Variants in ATF6 observed in about 807,000 individuals in gnomAD.
ATF6 encodes the protein activating transcription factor 6.
A neutral mutation model predicts 83.6 loss-of-function variants in ATF6; 53 were observed. That is an observed-to-expected ratio of 0.63 (90% confidence interval 0.51 to 0.80). The LOEUF (loss-of-function observed/expected upper bound fraction) is 0.80, where lower values mean the gene tolerates loss of function less well. ATF6 is among the 30% of genes least tolerant of loss of function. The probability of loss-of-function intolerance (pLI) is 0.00; values close to 1 mark genes in which losing one functional copy is unlikely to be tolerated. For synonymous variants in ATF6, 288 were observed against 285.8 expected (o/e 1.01, Z -0.08); for missense variants, 744 against 797.9 (o/e 0.93, Z 0.81).
chr1:161,845,793 A>AAG (rs957035357), intron 9 of ATF6, among the ~76,000 whole-genome samples: 1 of 151,496 alleles, frequency 6.6e-6, no homozygotes, highest in Non-Finnish European at 1.5e-5. Flanking sequence ...AAAAAAAAAA[A>AAG]AAGTTAAGTA....
chr1:161,923,278 GCT>G (rs1042233433), intron 15 of ATF6, among the ~76,000 whole-genome samples: 2 of 151,874 alleles, frequency 1.3e-5, no homozygotes, highest in African/African-American at 4.8e-5. Flanking sequence ...CTAAAGAAAT[GCT>G]CTGATACTTA....
rs1684897904 is a variant in ATF6 at position 161,792,205 on chromosome 1, C to T, written c.566C>T (p.Ala189Val). 1.9e-6 allele frequency: 3 copies of T among 1,614,144 alleles called. No individual in the cohort carries two copies. Among genetic ancestry groups the T allele is most frequent in the Non-Finnish European group, 2.5e-6 (3 of 1,180,000 alleles). ...CCCAAGCCTTTATTGCTTCCAGCAG[C>T]ACCCAAGACTCAAACAAACTCCAGT... The part of the protein sequence containing the change: ...IQPKPLLLPA[A>V]PKTQTNSSVP... Residue 189 changes from alanine to valine, a missense_variant, in exon 6 of 16, where the codon GCA becomes GTA. Physicochemically the swap from Ala to Val is moderately conservative, Grantham distance 64. Transcript: ENST00000367942.
At chr1:161,877,407 C>T (rs890429448) in intron 14 of ATF6, among the ~76,000 whole-genome samples, 2 of 152,034 alleles carry the variant, frequency 1.3e-5, no homozygotes, top group Non-Finnish European at 2.9e-5. Context: ...ATATCTCAAA[C>T]ATGGGGGGAA....
chr1:161,833,686 C>G (rs1273832976), intron 9 of ATF6, among the ~76,000 whole-genome samples: 1 of 152,018 alleles, frequency 6.6e-6, no homozygotes, highest in African/African-American at 2.4e-5. Flanking sequence ...TGAAATGAAG[C>G]ATGAAGAGAA....
chr1:161,855,966 T>C (rs1686749015), intron 12 of ATF6, among the ~76,000 whole-genome samples: 1 of 152,090 alleles, frequency 6.6e-6, no homozygotes, highest in African/African-American at 2.4e-5. Flanking sequence ...TTCAGGGTGA[T>C]CCCTATACAT....
intron 7 of ATF6, among the ~76,000 whole-genome samples, chr1:161,811,231 G>A (rs966894140): frequency 7.9e-5 from 12 of 152,218 alleles, no homozygotes; most frequent in Non-Finnish European, 1.3e-4. Context: ...ATCAATGGCT[G>A]TGTATTCCTG....
At chr1:161,783,691 A>G (rs1233136963) in intron 3 of ATF6, among the ~76,000 whole-genome samples, 1 of 151,918 alleles carries the variant, frequency 6.6e-6, no homozygotes. Context: ...CACTGTTACC[A>G]GTTTCTTCTG....
chr1:161,922,231 T>A (rs1201566608), intron 15 of ATF6, among the ~76,000 whole-genome samples: 1 of 152,218 alleles, frequency 6.6e-6, no homozygotes. Context: ...GGATTTTCAG[T>A]GTCTATCAGA....
intron 1 of ATF6, among the ~76,000 whole-genome samples, chr1:161,775,175 C>T (rs561092609): frequency 2.1e-4 from 32 of 152,248 alleles, no homozygotes; most frequent in East Asian, 1.7e-3. Flanking sequence ...AAATACTATG[C>T]GATGTTCCTA....
intron 1 of ATF6, among the ~76,000 whole-genome samples, chr1:161,771,226 CCTTT>C (rs902553228): frequency 6.6e-6 from 1 of 152,000 alleles, no homozygotes; most frequent in African/African-American, 2.4e-5. Context: ...CCTCCTTTCT[CCTTT>C]CTCCTTTTTC....
intron 14 of ATF6, among the ~76,000 whole-genome samples, chr1:161,885,240 T>C (rs572698884): frequency 6.6e-6 from 1 of 152,282 alleles, no homozygotes; most frequent in South Asian, 2.1e-4. Context: ...ACAAATCCTA[T>C]ATTAATAAGA....
intron 14 of ATF6, among the ~76,000 whole-genome samples, chr1:161,870,210 TTA>T (rs1382865814): frequency 6.6e-6 from 1 of 151,792 alleles, no homozygotes; most frequent in Non-Finnish European, 1.5e-5. Flanking sequence ...AATTACCTGA[TTA>T]TGTTTGTTTG....
At chr1:161,834,796 A>C (rs182176792) in intron 9 of ATF6, among the ~76,000 whole-genome samples, 1 of 152,200 alleles carries the variant, frequency 6.6e-6, no homozygotes, top group Non-Finnish European at 1.5e-5. Flanking sequence ...ACAAAACAAA[A>C]AAATAGATAT....
rs536301548 is a variant in ATF6 at position 161,862,167 on chromosome 1, A to G, written c.1605-1031A>G. Among the ~76,000 whole-genome samples the G allele has an allele frequency of 2.0e-5, 3 of 152,322 alleles. No homozygotes were observed. The South Asian group carries it at 6.2e-4, about 32-fold the overall frequency. On this transcript the variant is annotated intron_variant, in intron 13 of 15. Coordinates refer to ENST00000367942, the MANE Select transcript of ATF6 (RefSeq NM_007348.4). ...AATTCATTGCTGGCAGTGACTTTTT[A>G]GAACATAACTATCACAAAATAGCAA...
At chr1:161,838,345 T>G (rs1229222954) in intron 9 of ATF6, among the ~76,000 whole-genome samples, 1 of 152,232 alleles carries the variant, frequency 6.6e-6, no homozygotes, top group Non-Finnish European at 1.5e-5. Flanking sequence ...TATCTAATAC[T>G]GTGGAACAAA....
chr1:161,957,136 C>T (rs1289936369), intron 15 of ATF6, among the ~76,000 whole-genome samples: 1 of 151,466 alleles, frequency 6.6e-6, no homozygotes, highest in African/African-American at 2.4e-5. Flanking sequence ...TTTTCTTCCT[C>T]CAGATTTGTA....
intron 7 of ATF6, among the ~76,000 whole-genome samples, chr1:161,812,537 C>T (rs1267173169): frequency 1.3e-5 from 2 of 149,992 alleles, no homozygotes; most frequent in Admixed American, 6.6e-5. Context: ...GGACTACAGG[C>T]GCCCGCCACT....
intron 15 of ATF6, among the ~76,000 whole-genome samples, chr1:161,920,210 A>T (rs1312300509): frequency 6.6e-6 from 1 of 151,476 alleles, no homozygotes; most frequent in Non-Finnish European, 1.5e-5. Context: ...TTGCATCCAG[A>T]CAGTTGAATG....
At chr1:161,820,162 A>AT (rs1306382047) in intron 8 of ATF6, among the ~76,000 whole-genome samples, 2 of 150,894 alleles carry the variant, frequency 1.3e-5, no homozygotes, top group African/African-American at 2.4e-5. Context: ...AAGTGTTTTT[A>AT]TTTTTTCTCA....
Sources: gnomAD v4.1 joint callset for allele counts (sites outside exome capture counted in the v4.1 genomes callset) on GRCh38, gnomAD v4.1.1 for gene constraint, MANE v1.5 for transcripts, NCBI Gene and HGNC (gene_info 2026-07-23, HGNC 2026-07-21) for gene names.